RRM2: variants seen among roughly 807,000 people sequenced by gnomAD.
RRM2 encodes ribonucleotide reductase regulatory subunit M2.
In RRM2, 6 loss-of-function variants were observed where a neutral mutation model predicts 45.9. That is an observed-to-expected ratio of 0.13 (90% CI 0.07 to 0.26). The LOEUF (loss-of-function observed/expected upper bound fraction) is 0.26, where lower values mean the gene tolerates loss of function less well. Ranked by LOEUF, RRM2 falls within the 10% of genes least tolerant of loss-of-function variation. The pLI, the probability that RRM2 is intolerant of heterozygous loss-of-function variation, is 1.00. For synonymous variants in RRM2, 177 were observed against 173.0 expected (o/e 1.02, Z -0.18); for missense variants, 343 against 489.5 (o/e 0.70, Z 2.82).
chr2:10,158,927 G>A (rs771568605), intron 3 of RRM2, among the ~76,000 whole-genome samples: 1 of 152,158 alleles, frequency 6.6e-6, no homozygotes, highest in South Asian at 2.1e-4. Flanking sequence ...AGGAGAGCTC[G>A]TCCCCAGACC....
upstream of RRM2, among the ~76,000 whole-genome samples, chr2:10,140,611 C>G (rs146465547): frequency 3.7e-4 from 57 of 152,284 alleles, 2 homozygotes; most frequent in East Asian, 0.011. Context: ...ATGAGAAATA[C>G]ACAGATCACA....
intron 3 of RRM2, among the ~76,000 whole-genome samples, chr2:10,174,959 G>A (rs1007787145): frequency 1.1e-4 from 16 of 152,144 alleles, no homozygotes; most frequent in Non-Finnish European, 2.9e-5. Context: ...TGGAGATAGG[G>A]AAAATAGAAA....
At chr2:10,157,376 C>T (rs1663453784) in intron 3 of RRM2, among the ~76,000 whole-genome samples, 1 of 152,156 alleles carries the variant, frequency 6.6e-6, no homozygotes, top group African/African-American at 2.4e-5. Flanking sequence ...CAGAAAAATG[C>T]ACACATCATA....
At position 10,200,585 on chromosome 2, in the gene RRM2, C is replaced by T. The variant is rs189996107; in HGVS notation, n.483-9726C>T. 2.2e-3 allele frequency among the ~76,000 whole-genome samples: 38 copies of T among 17,592 alleles called. 10 individuals carry two copies. The highest frequency in any genetic ancestry group is 0.011 in the South Asian group (4 of 374). 11.5% of individuals were successfully genotyped at this position (17,592 alleles called of 152,430 possible). ...CGCAAAATATGAGGCCCACAGGGAC[C>T]GCGCGCGCAAAATATGAGGCCCACA... On this transcript the variant is annotated intron_variant and non_coding_transcript_variant, in intron 3 of 3. Transcript: ENST00000381786.
At chr2:10,144,797 C>G (rs1663155329) in intron 3 of RRM2, among the ~76,000 whole-genome samples, 1 of 152,128 alleles carries the variant, frequency 6.6e-6, no homozygotes, top group African/African-American at 2.4e-5. Context: ...CACTTGCCGT[C>G]AGTAAATGGT....
chr2:10,141,054 G>A (rs1035185733), upstream of RRM2, among the ~76,000 whole-genome samples: 2 of 152,178 alleles, frequency 1.3e-5, no homozygotes, highest in African/African-American at 4.8e-5. Context: ...TGTCATGTGC[G>A]GGGCCCACGT....
At chr2:10,128,554 T>A (rs929574289) in intron 7 of RRM2, among the ~76,000 whole-genome samples, 1 of 152,232 alleles carries the variant, frequency 6.6e-6, no homozygotes, top group African/African-American at 2.4e-5. Flanking sequence ...GAAAGATCAC[T>A]GAGTGAAGCT....
chr2:10,173,300 G>A (rs966536937), intron 3 of RRM2, among the ~76,000 whole-genome samples: 7 of 152,090 alleles, frequency 4.6e-5, no homozygotes, highest in African/African-American at 7.2e-5. Flanking sequence ...ATCTCTCTCC[G>A]TTATTTGGTT....
At chr2:10,135,809 C>T (rs931612555), downstream of RRM2, among the ~76,000 whole-genome samples, 11 of 152,134 alleles carry the variant, frequency 7.2e-5, no homozygotes, top group Non-Finnish European at 1.6e-4. Context: ...TGGGAAAACA[C>T]GATGGTGATA....
chr2:10,157,966 A>G (rs1430355791), intron 3 of RRM2, among the ~76,000 whole-genome samples: 1 of 152,216 alleles, frequency 6.6e-6, no homozygotes, highest in Non-Finnish European at 1.5e-5. Context: ...GAGTTCATGA[A>G]TAAATGAAGG....
intron 3 of RRM2, among the ~76,000 whole-genome samples, chr2:10,166,385 T>C (rs1460059455): frequency 6.6e-6 from 1 of 152,180 alleles, no homozygotes; most frequent in Non-Finnish European, 1.5e-5. Flanking sequence ...TGGTGGCCGA[T>C]GCGCTTAGGT....
chr2:10,123,698 C>G (rs760863372), intron 3 of RRM2, 38 bp from the exon 4 acceptor site: 1 of 1,447,086 alleles, frequency 6.9e-7, no homozygotes, highest in South Asian at 1.2e-5. Flanking sequence ...GCTTTACTCT[C>G]TTCCTTTTAT....
At chr2:10,142,574 A>G (rs972942574) in intron 3 of RRM2, among the ~76,000 whole-genome samples, 3 of 151,336 alleles carry the variant, frequency 2.0e-5, no homozygotes, top group African/African-American at 7.3e-5. Context: ...CATGTCCCTC[A>G]CCCCATGCCC....
intron 3 of RRM2, among the ~76,000 whole-genome samples, chr2:10,156,977 G>C (rs559094211): frequency 6.8e-6 from 1 of 147,782 alleles, no homozygotes; most frequent in South Asian, 2.2e-4. Context: ...ATCAATGGTA[G>C]TGTGTTGGAG....
At chr2:10,134,098 A>C (rs1416993490), downstream of RRM2, among the ~76,000 whole-genome samples, 1 of 148,424 alleles carries the variant, frequency 6.7e-6, no homozygotes, top group Non-Finnish European at 1.5e-5. Context: ...GAATCACTTG[A>C]ACCTGGGAGG....
chr2:10,167,471 G>C (rs954962823), intron 3 of RRM2, among the ~76,000 whole-genome samples: 1 of 152,120 alleles, frequency 6.6e-6, no homozygotes, highest in South Asian at 2.1e-4. Context: ...GTGCCTGTGC[G>C]TAGGATGTGG....
At chr2:10,199,569 CAGG>C (rs1664493769) in intron 3 of RRM2, among the ~76,000 whole-genome samples, 1 of 151,740 alleles carries the variant, frequency 6.6e-6, no homozygotes, top group Non-Finnish European at 1.5e-5. Flanking sequence ...ATCACAAGGT[CAGG>C]AGATCAAGAC....
chr2:10,167,480 G>T (rs999694182), intron 3 of RRM2, among the ~76,000 whole-genome samples: 1 of 152,114 alleles, frequency 6.6e-6, no homozygotes, highest in Non-Finnish European at 1.5e-5. Flanking sequence ...CGTAGGATGT[G>T]GTAGCTGGTG....
chr2:10,142,229 T>C, intron 2 of RRM2: 1 of 1,526,364 alleles, frequency 6.6e-7, no homozygotes, highest in Non-Finnish European at 8.9e-7. Context: ...CAGACCCAGG[T>C]AAAGAGTCTG....
Sources: allele counts gnomAD v4.1 joint callset (sites outside exome capture counted in the v4.1 genomes callset), GRCh38; gene constraint gnomAD v4.1.1; transcripts MANE v1.5; gene names NCBI Gene and HGNC (gene_info 2026-07-23, HGNC 2026-07-21).